Variants in SLC35F4 observed in about 807,000 individuals in gnomAD.
The protein encoded by SLC35F4 is solute carrier family 35 member F4, also known as chromosome 14 open reading frame 36.
In SLC35F4, 24 loss-of-function variants were observed where a neutral mutation model predicts 44.2. That is an observed-to-expected ratio of 0.54 (90% CI 0.39 to 0.76). The LOEUF is 0.76. Among genes scored for constraint, SLC35F4 ranks in the 30% least tolerant of loss-of-function variants. The pLI, the probability that SLC35F4 is intolerant of heterozygous loss-of-function variation, is 0.00. For missense variants in SLC35F4, 562 were observed against 586.1 expected (o/e 0.96, Z 0.42); for synonymous variants, 238 against 223.6 (o/e 1.06, Z -0.57).
At chr14:57,635,241 T>A (rs138364785) in intron 1 of SLC35F4, among the ~76,000 whole-genome samples, 1 of 138,958 alleles carries the variant, frequency 7.2e-6, no homozygotes, top group Admixed American at 7.1e-5. Context: ...GCAAGACTCT[T>A]ACTCAAAAAA....
intron 1 of SLC35F4, among the ~76,000 whole-genome samples, chr14:57,679,284 T>A (rs2074807507): frequency 6.6e-6 from 1 of 151,952 alleles, no homozygotes; most frequent in African/African-American, 2.4e-5. Flanking sequence ...ACTGGGTAAA[T>A]AATGAAATGA....
chr14:57,702,974 C>T (rs367682361), intron 1 of SLC35F4, among the ~76,000 whole-genome samples: 39 of 152,216 alleles, frequency 2.6e-4, no homozygotes, highest in African/African-American at 9.4e-4. Flanking sequence ...TAAAAATACA[C>T]ACACATACAC....
intron 1 of SLC35F4, among the ~76,000 whole-genome samples, chr14:57,946,445 C>A (rs951761893): frequency 1.7e-5 from 2 of 118,504 alleles, no homozygotes; most frequent in South Asian, 5.6e-4. Context: ...AAGTATTTGT[C>A]TTTGTTTTGT....
intron 1 of SLC35F4, among the ~76,000 whole-genome samples, chr14:57,691,385 A>G (rs2075227380): frequency 6.6e-6 from 1 of 152,216 alleles, no homozygotes; most frequent in Admixed American, 6.5e-5. Flanking sequence ...CAAGGGTAGT[A>G]AAGGATTTTA....
intron 1 of SLC35F4, among the ~76,000 whole-genome samples, chr14:57,909,781 C>G (rs1240902508): frequency 6.8e-6 from 1 of 147,786 alleles, no homozygotes; most frequent in Non-Finnish European, 1.5e-5. Flanking sequence ...CTATGAACAT[C>G]TGTGTGCAGA....
At chr14:57,699,743 C>A (rs2075484365) in intron 1 of SLC35F4, among the ~76,000 whole-genome samples, 1 of 152,066 alleles carries the variant, frequency 6.6e-6, no homozygotes, top group East Asian at 1.9e-4. Context: ...TAATAGGGAA[C>A]AAACTGATCT....
chr14:57,660,743 G>A (rs962556626), intron 1 of SLC35F4, among the ~76,000 whole-genome samples: 4 of 152,124 alleles, frequency 2.6e-5, no homozygotes, highest in Admixed American at 2.0e-4. Flanking sequence ...AGGCCCACAC[G>A]GCAAGAAACT....
Position 57,754,198 on chromosome 14 carries a change from G to A in SLC35F4, c.103+111525C>T, listed in dbSNP as rs148114207. On this transcript the variant is annotated intron_variant, in intron 1 of 7. Coordinates refer to ENST00000556826, the MANE Select transcript of SLC35F4 (RefSeq NM_001306087.2). Reference sequence around the variant, plus strand: ...GGCTCGCTGCAACCCTGCCTCCCAGGTTCAAGCGATTCTCCTGCCTCAGCC... The same window carrying A: ...GGCTCGCTGCAACCCTGCCTCCCAGATTCAAGCGATTCTCCTGCCTCAGCC... Among the ~76,000 whole-genome samples the A allele has an allele frequency of 2.8e-3, 425 of 150,620 alleles. 3 individuals carry two copies. Among genetic ancestry groups the A allele is most frequent in the Non-Finnish European group, 5.1e-3 (349 of 67,780 alleles).
intron 1 of SLC35F4, among the ~76,000 whole-genome samples, chr14:57,669,958 C>G (rs188269528): frequency 1.3e-5 from 2 of 151,960 alleles, no homozygotes; most frequent in African/African-American, 4.8e-5. Flanking sequence ...TCCATCTGGT[C>G]CTGGACTTTT....
chr14:57,878,601 A>C (rs554317495), intron 1 of SLC35F4, among the ~76,000 whole-genome samples: 59 of 152,196 alleles, frequency 3.9e-4, no homozygotes, highest in African/African-American at 1.3e-3. Context: ...TCTCTCCCTC[A>C]ACTCTTTGCC....
intron 1 of SLC35F4, among the ~76,000 whole-genome samples, chr14:57,792,805 G>C (rs1427905754): frequency 6.6e-6 from 1 of 151,964 alleles, no homozygotes; most frequent in Non-Finnish European, 1.5e-5. Context: ...AGGGATAAAA[G>C]ACTACACACT....
intron 1 of SLC35F4, among the ~76,000 whole-genome samples, chr14:57,751,325 TA>T (rs967755945): frequency 1.1e-4 from 17 of 152,178 alleles, no homozygotes; most frequent in African/African-American, 4.1e-4. Context: ...ATCTCTACTT[TA>T]AAGATGAGAA....
intron 1 of SLC35F4, among the ~76,000 whole-genome samples, chr14:57,883,067 G>A (rs1222049517): frequency 6.6e-6 from 1 of 151,792 alleles, no homozygotes; most frequent in Non-Finnish European, 1.5e-5. Context: ...GGAGGAGGAG[G>A]ACGAGGAGGA....
intron 1 of SLC35F4, among the ~76,000 whole-genome samples, chr14:57,933,039 C>CTTT (rs565156783): frequency 2.2e-5 from 3 of 137,500 alleles, no homozygotes; most frequent in Non-Finnish European, 3.2e-5. Context: ...CTCCTATTTA[C>CTTT]TTTTTTTTTT....
intron 1 of SLC35F4, among the ~76,000 whole-genome samples, chr14:57,732,304 AT>A (rs563526221): frequency 2.4e-4 from 36 of 152,298 alleles, no homozygotes; most frequent in Non-Finnish European, 4.7e-4. Flanking sequence ...TACAGGTTTT[AT>A]TTCTTTGAAT....
chr14:57,600,583 C>T (rs60739908), intron 1 of SLC35F4, among the ~76,000 whole-genome samples: 20,455 of 141,852 alleles, frequency 0.14, 1,697 homozygotes, highest in East Asian at 0.42. Context: ...TCCCAGCTAC[C>T]TGGGAGGCTG....
chr14:57,818,366 C>T (rs1345410268), intron 1 of SLC35F4, among the ~76,000 whole-genome samples: 1 of 152,136 alleles, frequency 6.6e-6, no homozygotes, highest in East Asian at 1.9e-4. Context: ...AGGCTTCTAC[C>T]AGAGGATGCA....
intron 1 of SLC35F4, among the ~76,000 whole-genome samples, chr14:57,811,790 G>A (rs1771328003): frequency 6.6e-6 from 1 of 152,040 alleles, no homozygotes; most frequent in South Asian, 2.1e-4. Flanking sequence ...GACTAGCCTG[G>A]GCATCATAGT....
intron 1 of SLC35F4, among the ~76,000 whole-genome samples, chr14:57,854,194 T>A (rs1886858374): frequency 6.6e-6 from 1 of 152,212 alleles, no homozygotes; most frequent in Non-Finnish European, 1.5e-5. Flanking sequence ...AATGAAGTCC[T>A]GTATGCCTTA....
Sources: gnomAD v4.1 joint callset for allele counts (sites outside exome capture counted in the v4.1 genomes callset) on GRCh38, gnomAD v4.1.1 for gene constraint, MANE v1.5 for transcripts, NCBI Gene and HGNC (gene_info 2026-07-23, HGNC 2026-07-21) for gene names.